TEK: variants seen among roughly 807,000 people sequenced by gnomAD.
TEK encodes angiopoietin-1 receptor.
TEK carries 43 observed loss-of-function variants against 131.8 expected under a neutral mutation model. The observed-to-expected ratio is 0.33, with a 90% CI of 0.26 to 0.42. TEK has a LOEUF of 0.42. Ranked by LOEUF, TEK falls within the 10% of genes least tolerant of loss-of-function variation. TEK has a pLI of 1.00. For missense variants in TEK, 1,162 were observed against 1,384.4 expected, an observed-to-expected ratio of 0.84 and a Z score of 2.55; for synonymous variants, 580 against 491.6, an observed-to-expected ratio of 1.18 and a Z score of -2.38.
chr9:27,204,875 C>T (rs751820588), intron 13 of TEK, 36 bp from the exon 14 acceptor site: 2 of 1,612,586 alleles, frequency 1.2e-6, no homozygotes, highest in Non-Finnish European at 1.7e-6. Context: ...TCTATGTAAA[C>T]TAAACTACCT....
At position 27,202,798 on chromosome 9, in the gene TEK, C is replaced by CT. The variant is rs750344400; in HGVS notation, c.1910-16dup. Reference sequence around the variant, plus strand: ...CCATGGTAGTATATCTTAAGTGAATCTTTTTTCTTTTTAATTTCTAGTTCT... The same window carrying CT: ...CCATGGTAGTATATCTTAAGTGAATCTTTTTTTCTTTTTAATTTCTAGTTCT... On this transcript the variant is annotated intron_variant, in intron 12 of 22. Transcript: ENST00000380036. 24 of 1,610,892 alleles carry CT rather than the reference C, an allele frequency of 1.5e-5. No individual in the cohort carries two copies. In the Admixed American group the frequency reaches 3.5e-4, roughly 24 times the overall value.
intron 14 of TEK, among the ~76,000 whole-genome samples, chr9:27,205,845 G>A (rs892727468): frequency 1.3e-5 from 2 of 152,144 alleles, no homozygotes; most frequent in East Asian, 3.9e-4. Context: ...TGTACCCCAT[G>A]TGCATGAGTC....
intron 11 of TEK, among the ~76,000 whole-genome samples, chr9:27,195,861 A>G (rs570731802): frequency 6.6e-6 from 1 of 152,328 alleles, no homozygotes; most frequent in Admixed American, 6.5e-5. Flanking sequence ...TTGCAAAAGT[A>G]AAGTGGCATG....
intron 1 of TEK, among the ~76,000 whole-genome samples, chr9:27,112,181 G>A (rs2061088608): frequency 6.6e-6 from 1 of 152,168 alleles, no homozygotes. Context: ...TTACAGGCAT[G>A]AGCCACCACG....
intron 16 of TEK, among the ~76,000 whole-genome samples, chr9:27,209,808 T>C (rs1029491536): frequency 2.0e-5 from 3 of 152,256 alleles, no homozygotes; most frequent in Admixed American, 6.5e-5. Context: ...GTTAAATTTA[T>C]GTTATTAATT....
chr9:27,142,068 C>T (rs1275775149), intron 1 of TEK, among the ~76,000 whole-genome samples: 1 of 152,072 alleles, frequency 6.6e-6, no homozygotes, highest in African/African-American at 2.4e-5. Flanking sequence ...GAAAGGAAAG[C>T]TTGCAGGGAG....
At chr9:27,219,738 T>TCC (rs1564107843) in intron 20 of TEK, among the ~76,000 whole-genome samples, 9 of 138,352 alleles carry the variant, frequency 6.5e-5, no homozygotes, top group Admixed American at 1.4e-4. Context: ...AAAAAAAGGT[T>TCC]AATCTTATTG....
At chr9:27,162,880 T>C (rs1823594152) in intron 2 of TEK, among the ~76,000 whole-genome samples, 1 of 152,036 alleles carries the variant, frequency 6.6e-6, no homozygotes, top group African/African-American at 2.4e-5. Flanking sequence ...CATGCCCAGC[T>C]TGTTTTCGTA....
intron 1 of TEK, among the ~76,000 whole-genome samples, chr9:27,114,928 A>G (rs985658122): frequency 6.6e-6 from 1 of 152,210 alleles, no homozygotes; most frequent in Non-Finnish European, 1.5e-5. Flanking sequence ...TCACTCATCT[A>G]TCCTTTCAAT....
intron 21 of TEK, among the ~76,000 whole-genome samples, chr9:27,221,686 G>A (rs932861967): frequency 6.6e-6 from 1 of 152,082 alleles, no homozygotes; most frequent in African/African-American, 2.4e-5. Context: ...ACTATTAGAA[G>A]GAAAAGTAAC....
chr9:27,145,537 G>A (rs1474859770), intron 1 of TEK, among the ~76,000 whole-genome samples: 4 of 152,186 alleles, frequency 2.6e-5, no homozygotes, highest in Non-Finnish European at 5.9e-5. Flanking sequence ...CCTTTACACA[G>A]AAATCAATGA....
At chr9:27,124,608 G>A (rs543221834) in intron 1 of TEK, among the ~76,000 whole-genome samples, 10 of 152,356 alleles carry the variant, frequency 6.6e-5, no homozygotes, top group East Asian at 1.9e-4. Context: ...AGCAAGGAAG[G>A]ATGGAGAGTT....
At chr9:27,112,366 G>T (rs1033776848) in intron 1 of TEK, among the ~76,000 whole-genome samples, 2 of 152,190 alleles carry the variant, frequency 1.3e-5, no homozygotes, top group Non-Finnish European at 2.9e-5. Flanking sequence ...AAGGGTGGAG[G>T]TCTGAAAGCT....
At chr9:27,206,455 C>T in intron 14 of TEK, 127 bp from the exon 15 acceptor site, 1 of 1,122,566 alleles carries the variant, frequency 8.9e-7, no homozygotes, top group East Asian at 2.6e-5. Context: ...ACCTATTTCC[C>T]TTTCCAGTCT....
At chr9:27,147,014 A>C (rs902485307) in intron 1 of TEK, among the ~76,000 whole-genome samples, 27 of 152,176 alleles carry the variant, frequency 1.8e-4, no homozygotes, top group Admixed American at 3.3e-4. Flanking sequence ...CAGGCGTGAG[A>C]CACTGCGCCC....
intron 5 of TEK, 93 bp downstream of exon 5, chr9:27,172,840 C>T (rs3739542): frequency 4.3e-5 from 66 of 1,546,372 alleles, no homozygotes; most frequent in Non-Finnish European, 5.0e-5. Flanking sequence ...TGGGAATGGA[C>T]GCTAAATGGC....
At chr9:27,145,786 CAGAA>C (rs922629658) in intron 1 of TEK, among the ~76,000 whole-genome samples, 1 of 152,168 alleles carries the variant, frequency 6.6e-6, no homozygotes, top group Non-Finnish European at 1.5e-5. Context: ...GCGTTGAAGA[CAGAA>C]AGCTCATTGT....
intron 1 of TEK, among the ~76,000 whole-genome samples, chr9:27,118,949 C>T (rs10967725): frequency 7.9e-5 from 12 of 152,302 alleles, no homozygotes; most frequent in African/African-American, 1.4e-4. Context: ...GTCTTTAGTA[C>T]GAGAGAATGA....
At chr9:27,123,691 C>G (rs1821884189) in intron 1 of TEK, among the ~76,000 whole-genome samples, 1 of 152,176 alleles carries the variant, frequency 6.6e-6, no homozygotes, top group Admixed American at 6.5e-5. Context: ...TCAGTTTAAC[C>G]TGCTCATTTT....
Sources: allele counts gnomAD v4.1 joint callset (sites outside exome capture counted in the v4.1 genomes callset), GRCh38; gene constraint gnomAD v4.1.1; transcripts MANE v1.5; gene names NCBI Gene and HGNC (gene_info 2026-07-23, HGNC 2026-07-21).